CIT: variants seen among roughly 807,000 people sequenced by gnomAD.
CIT encodes the protein citron rho-interacting serine/threonine kinase.
Under a neutral mutation model 272.7 loss-of-function variants are expected in CIT, and 79 were observed. The observed-to-expected ratio is 0.29, with a 90% CI of 0.24 to 0.35. The LOEUF (loss-of-function observed/expected upper bound fraction) is 0.35, where lower values mean the gene tolerates loss of function less well. Among genes scored for constraint, CIT ranks in the 10% least tolerant of loss-of-function variants. CIT has a pLI of 1.00. For missense variants in CIT, 1,909 were observed against 2,618.3 expected, an observed-to-expected ratio of 0.73 and a Z score of 5.91; for synonymous variants, 948 against 995.6, an observed-to-expected ratio of 0.95 and a Z score of 0.90.
At chr12:119,818,250 G>A (rs1967382041) in intron 9 of CIT, among the ~76,000 whole-genome samples, 1 of 152,068 alleles carries the variant, frequency 6.6e-6, no homozygotes, top group Admixed American at 6.5e-5. Flanking sequence ...AATGCCTAGT[G>A]GTTAGCACAG....
intron 22 of CIT, among the ~76,000 whole-genome samples, chr12:119,755,610 C>A (rs1251273419): frequency 6.6e-6 from 1 of 152,200 alleles, no homozygotes; most frequent in Non-Finnish European, 1.5e-5. Context: ...TCTGCTGGTG[C>A]CAGCGAACCC....
At chr12:119,744,834 A>C (rs278119) in intron 23 of CIT, among the ~76,000 whole-genome samples, 105 of 152,216 alleles carry the variant, frequency 6.9e-4, no homozygotes, top group African/African-American at 2.4e-3. Context: ...ATGGCAGATT[A>C]GATACTTTAG....
intron 46 of CIT, among the ~76,000 whole-genome samples, chr12:119,691,965 T>C (rs1955974878): frequency 6.6e-6 from 1 of 152,222 alleles, no homozygotes; most frequent in South Asian, 2.1e-4. Flanking sequence ...ATAAACTTAT[T>C]TTATGCTAGA....
In CIT at chr12:119,869,106, C is replaced by A; in HGVS notation, c.192G>T (p.Gln64His). The change falls in exon 3 of 48, where the codon CAG becomes CAT. Residue 64 changes from glutamine (Q) to histidine (H), a missense_variant. Gln to His is a conservative substitution (Grantham distance 24). Transcript: ENST00000392521. ...ALFVLFEECS[Q>H]PALMKIKHVS... ...CGTGCTTAATCTTCATCAGAGCAGG[C>A]TGACTGCATTCTTCAAAGAGAACAA... 6.2e-7 allele frequency: 1 copy of A among 1,612,874 alleles called. No individual in the cohort carries two copies. The highest frequency in any genetic ancestry group is 8.5e-7 in the Non-Finnish European group (1 of 1,179,670).
intron 46 of CIT, among the ~76,000 whole-genome samples, chr12:119,696,951 T>G (rs570582257): frequency 6.6e-6 from 1 of 152,354 alleles, no homozygotes; most frequent in African/African-American, 2.4e-5. Context: ...ACAACATTCC[T>G]TCCCAGGGCT....
intron 22 of CIT, among the ~76,000 whole-genome samples, chr12:119,755,723 A>C (rs1026833092): frequency 6.6e-6 from 1 of 152,238 alleles, no homozygotes; most frequent in Non-Finnish European, 1.5e-5. Context: ...ACAAATATAC[A>C]GTGACTACAT....
Position 119,686,129 on chromosome 12 carries a change from TTCC to T in CIT, c.*2100_*2102del, listed in dbSNP as rs1565881307. ...ATAAAAAAGTAGAAACCAATTCAATTTCCTCTTTTTTTTTTTACGAATATAAAG... is the reference window on the plus strand; with the variant it reads ...ATAAAAAAGTAGAAACCAATTCAATTTCTTTTTTTTTTTACGAATATAAAG... On this transcript the variant is annotated 3_prime_UTR_variant, in exon 48 of 48. Coordinates refer to ENST00000392521, the MANE Select transcript of CIT (RefSeq NM_001206999.2). The T allele has an allele frequency of 6.6e-6, 1 of 152,364 alleles. No individual in the cohort carries two copies. Among genetic ancestry groups the T allele is most frequent in the Non-Finnish European group, 1.5e-5 (1 of 68,018 alleles). 9.4% of individuals were successfully genotyped at this position (152,364 alleles called of 1,614,324 possible).
Position 119,687,927 on chromosome 12 carries a change from GAACT to G in CIT, c.*301_*304del, listed in dbSNP as rs1955667774. ...AGCATCCCGGTTGGTTTCCTTTGAT[GAACT>G]AACTGGTACAGGCTAGAGCTAGGTA... On this transcript the variant is annotated 3_prime_UTR_variant, in exon 48 of 48. Coordinates refer to ENST00000392521, the MANE Select transcript of CIT (RefSeq NM_001206999.2). 1 of 350,812 alleles carries G rather than the reference GAACT, an allele frequency of 2.9e-6. No individual in the cohort carries two copies. Among genetic ancestry groups the G allele is most frequent in the Non-Finnish European group, 5.1e-6 (1 of 195,588 alleles). 21.7% of individuals were successfully genotyped at this position (350,812 alleles called of 1,614,324 possible). A position where few individuals can be genotyped will look rare whatever the true frequency, so the allele number is the denominator to read the frequency against.
chr12:119,825,245 C>A lies in CIT; in HGVS notation c.877G>T (p.Ala293Ser), dbSNP rs775275747. 2 of 1,613,996 alleles carry A rather than the reference C, an allele frequency of 1.2e-6. No individual in the cohort carries two copies. The highest frequency in any genetic ancestry group is 1.3e-5 in the African/African-American group (1 of 74,892). Residue 293 changes from alanine to serine, a missense_variant, in exon 8 of 48, where the codon GCC becomes TCC. By Grantham distance (99) the Ala-to-Ser change is moderately conservative. This residue lies in a region of CIT where 529 missense variants were observed against 549.6 expected (regional missense o/e 0.96). Transcript: ENST00000392521. ...DCDWWSVGVI[A>S]YEMIYGRSPF... Reference sequence around the variant, plus strand: ...GATCTCCCATAAATCATCTCATAGGCAATCACGCCCACTGACCACCAGTCA... The same window carrying A: ...GATCTCCCATAAATCATCTCATAGGAAATCACGCCCACTGACCACCAGTCA...
chr12:119,710,799 C>T lies in CIT; in HGVS notation c.4855-179G>A, dbSNP rs1037046280. 4.4e-6 allele frequency: 3 copies of T among 683,946 alleles called. No homozygotes were observed. Among genetic ancestry groups the T allele is most frequent in the East Asian group, 2.8e-5 (1 of 36,272 alleles). The allele number at this position is 683,946 out of a possible 1,614,324, so 42.4% of individuals were successfully genotyped here. ...TGATCTGAGCTCCAAATGCAAAATG[C>T]GAGTGCTATTGGTATCTCTGGGGCA... On this transcript the variant is annotated intron_variant, in intron 37 of 47. Transcript: ENST00000392521. The surrounding 1 kb of genome is among the most constrained non-coding windows in gnomAD (Gnocchi z 5.6).
rs1966398337 is a variant in CIT, at chr12:119,803,611, G to A, written c.1112-222C>T. 3 of 391,980 alleles carry A rather than the reference G, an allele frequency of 7.7e-6. No individual in the cohort carries two copies. The East Asian group carries it at 1.3e-4, about 17-fold the overall frequency. 24.3% of individuals were successfully genotyped at this position (391,980 alleles called of 1,614,324 possible). On this transcript the variant is annotated intron_variant, in intron 9 of 47. Transcript: ENST00000392521. ...CGCAGACAGGCTGCCTTCCCGCCTG[G>A]GGTAAACTGAAGAGCAAACTCAAAC... is the stretch of plus-strand genomic sequence containing the variant.
chr12:119,805,073 T>C (rs1323364335), intron 9 of CIT, among the ~76,000 whole-genome samples: 2 of 74,182 alleles, frequency 2.7e-5, no homozygotes, highest in East Asian at 1.5e-3. Context: ...CCTTTTTTAA[T>C]AGCAAAAAAA....
chr12:119,759,640 C>T (rs1037526634), intron 20 of CIT, among the ~76,000 whole-genome samples: 19 of 151,898 alleles, frequency 1.3e-4, no homozygotes, highest in Admixed American at 3.9e-4. Flanking sequence ...AGCAAGACTC[C>T]GTCTCAAAAA....
intron 26 of CIT, among the ~76,000 whole-genome samples, chr12:119,732,664 G>A (rs1036418248): frequency 6.6e-6 from 1 of 152,162 alleles, no homozygotes; most frequent in Admixed American, 6.5e-5. Context: ...ACTGAACTTT[G>A]CGTAATCCAT....
chr12:119,871,844 G>A (rs554031403), intron 2 of CIT, among the ~76,000 whole-genome samples: 2 of 152,326 alleles, frequency 1.3e-5, no homozygotes, highest in East Asian at 3.9e-4. Flanking sequence ...GCAACAGAAT[G>A]AGACCCTGGT....
intron 23 of CIT, among the ~76,000 whole-genome samples, chr12:119,745,374 C>CAAAAAAAAAAA (rs757825062): frequency 0.016 from 114 of 7,004 alleles, 43 homozygotes; most frequent in Non-Finnish European, 0.027. Flanking sequence ...AAGAAACAAG[C>CAAAAAAAAAAA]AAAAAAAAAA....
Position 119,770,035 on chromosome 12 carries a change from C to T in CIT, c.2208+750G>A, listed in dbSNP as rs1023187662. Among the ~76,000 whole-genome samples the T allele has an allele frequency of 5.9e-5, 9 of 152,172 alleles. No homozygotes were observed. The highest frequency in any genetic ancestry group is 1.3e-4 in the Admixed American group (2 of 15,272). On this transcript the variant is annotated intron_variant, in intron 18 of 47. Transcript: ENST00000392521. This position sits in a 1 kb window ranked among gnomAD's most constrained non-coding sequence, Gnocchi z 4.4. The stretch of plus-strand genomic sequence containing the variant: ...GGGATAGGAATGGACTCCAAGTCAT[C>T]CTTGAGTCTCAAACATGATGTCAAA...
intron 4 of CIT, among the ~76,000 whole-genome samples, chr12:119,855,345 C>T (rs1970515814): frequency 6.6e-6 from 1 of 152,082 alleles, no homozygotes; most frequent in Admixed American, 6.5e-5. Context: ...ATGGTGTGAA[C>T]CTGGGAGGCG....
intron 22 of CIT, among the ~76,000 whole-genome samples, chr12:119,753,341 G>C (rs1162468859): frequency 1.3e-5 from 2 of 152,274 alleles, no homozygotes; most frequent in East Asian, 3.9e-4. Context: ...AGCCCATAGG[G>C]GTGAAGAGAA....
Sources: gnomAD v4.1 joint callset for allele counts (sites outside exome capture counted in the v4.1 genomes callset) on GRCh38, gnomAD v4.1.1 for gene constraint, gnomAD v4.1.1 regional missense constraint, Gnocchi (gnomAD v3.1) non-coding constraint, MANE v1.5 for transcripts, NCBI Gene and HGNC (gene_info 2026-07-23, HGNC 2026-07-21) for gene names.